Variants in NSF observed in about 807,000 individuals in gnomAD.
The protein encoded by NSF is vesicle-fusing ATPase.
A neutral mutation model predicts 50.3 loss-of-function variants in NSF; 14 were observed. That is an observed-to-expected ratio of 0.28 (90% CI 0.18 to 0.44). NSF has a LOEUF of 0.44. NSF is among the 20% of genes least tolerant of loss of function. NSF has a pLI of 1.00. For missense variants in NSF, 218 were observed against 504.3 expected, an observed-to-expected ratio of 0.43 and a Z score of 5.44; for synonymous variants, 109 against 175.7, an observed-to-expected ratio of 0.62 and a Z score of 3.00.
chr17:46,726,372 C>A (rs1323944114), intron 15 of NSF, among the ~76,000 whole-genome samples, 177 bp from the exon 16 acceptor site: 1 of 152,194 alleles, frequency 6.6e-6, no homozygotes, highest in African/African-American at 2.4e-5. Flanking sequence ...TGAAAACAGC[C>A]TTAGCCTGCT....
At chr17:46,723,767 A>C (rs1342493266) in intron 15 of NSF, among the ~76,000 whole-genome samples, 1 of 152,160 alleles carries the variant, frequency 6.6e-6, no homozygotes, top group Non-Finnish European at 1.5e-5. Flanking sequence ...ACTTACCAGC[A>C]CACCCACTCC....
At chr17:46,735,584 A>T (rs1041705687) in intron 17 of NSF, among the ~76,000 whole-genome samples, 2 of 152,122 alleles carry the variant, frequency 1.3e-5, no homozygotes, top group African/African-American at 4.8e-5. Context: ...ATAATTCCTC[A>T]TGTGTTACCT....
intron 17 of NSF, among the ~76,000 whole-genome samples, chr17:46,737,431 C>G (rs1373622187): frequency 6.6e-6 from 1 of 152,194 alleles, no homozygotes; most frequent in Non-Finnish European, 1.5e-5. Context: ...AGGTATTTCT[C>G]TAGCAACCCT....
intron 14 of NSF, chr17:46,713,144 T>C (rs1419710645): frequency 6.6e-6 from 1 of 152,248 alleles, no homozygotes; most frequent in Non-Finnish European, 1.5e-5. Context: ...AAAGAGTTTT[T>C]TGTTGTTATG....
chr17:46,739,912 C>T (rs1027271224), intron 17 of NSF, among the ~76,000 whole-genome samples: 2 of 152,098 alleles, frequency 1.3e-5, no homozygotes, highest in African/African-American at 4.8e-5. Context: ...ATTGGCCAGA[C>T]TGGTCTCAAA....
chr17:46,730,861 A>G (rs894403615), intron 17 of NSF, among the ~76,000 whole-genome samples: 2 of 152,184 alleles, frequency 1.3e-5, no homozygotes, highest in African/African-American at 4.8e-5. Flanking sequence ...ATAGTGAGAT[A>G]CCACTCATTG....
At chr17:46,625,993 AC>A (rs2058095114) in intron 2 of NSF, among the ~76,000 whole-genome samples, 1 of 148,128 alleles carries the variant, frequency 6.8e-6, no homozygotes, top group Admixed American at 6.7e-5. Context: ...TCATGAGAGG[AC>A]TGTTTTTTTT....
At chr17:46,727,515 A>C (rs1411217321) in intron 16 of NSF, among the ~76,000 whole-genome samples, 2 of 152,146 alleles carry the variant, frequency 1.3e-5, no homozygotes, top group Non-Finnish European at 2.9e-5. Context: ...AACTGTTCTT[A>C]CTGCATTTTT....
intron 15 of NSF, among the ~76,000 whole-genome samples, chr17:46,723,945 T>C (rs937774480): frequency 1.3e-5 from 2 of 152,224 alleles, no homozygotes; most frequent in Non-Finnish European, 2.9e-5. Flanking sequence ...CAGTAAAATT[T>C]TAACTCATGA....
At chr17:46,699,436 CACAT>C (rs2083442573) in intron 12 of NSF, among the ~76,000 whole-genome samples, 2 of 152,206 alleles carry the variant, frequency 1.3e-5, no homozygotes, top group Non-Finnish European at 1.5e-5. Flanking sequence ...CACTTTCTCT[CACAT>C]ACACTTTCCA....
chr17:46,722,952 A>T (rs935812613), intron 15 of NSF, among the ~76,000 whole-genome samples: 6 of 152,200 alleles, frequency 3.9e-5, no homozygotes, highest in Non-Finnish European at 8.8e-5. Context: ...CCGACTGCAA[A>T]AAACAAGAAC....
chr17:46,708,018 C>T (rs1488536482), intron 13 of NSF, among the ~76,000 whole-genome samples: 1 of 139,520 alleles, frequency 7.2e-6, no homozygotes, highest in Non-Finnish European at 1.5e-5. Context: ...GGTGACAGAG[C>T]AAGACCCTGT....
chr17:46,714,668 T>TC (rs1020968468), intron 15 of NSF, among the ~76,000 whole-genome samples: 17 of 152,234 alleles, frequency 1.1e-4, no homozygotes, highest in African/African-American at 3.4e-4. Flanking sequence ...TGATGAAGAC[T>TC]TTAAATGGCT....
rs1450621093 is a variant in NSF, at chr17:46,610,097, C to T, written c.13-14147C>T. ...CTTTCCTTCTTTCTTTCTTTTCTCTCTTTCTCTCTCTCTCTCTCTCTCTCT... is the reference window on the plus strand; with the variant it reads ...CTTTCCTTCTTTCTTTCTTTTCTCTTTTTCTCTCTCTCTCTCTCTCTCTCT... On this transcript the variant is annotated intron_variant, in intron 1 of 20. Transcript: ENST00000398238. 3.4e-4 allele frequency among the ~76,000 whole-genome samples: 14 copies of T among 41,086 alleles called. 2 individuals are homozygous for T. Among genetic ancestry groups the T allele is most frequent in the Admixed American group, 8.5e-4 (4 of 4,694 alleles). The allele number at this position is 41,086 out of a possible 152,430, so 27.0% of individuals were successfully genotyped here. A position where few individuals can be genotyped will look rare whatever the true frequency, so the allele number is the denominator to read the frequency against.
Position 46,704,842 on chromosome 17 carries a change from T to G in NSF, c.1458T>G (p.Asn486Lys). Residue 486 changes from asparagine (N) to lysine (K), a missense_variant, in exon 13 of 21, where the codon AAT becomes AAG. Asn to Lys is a moderately conservative substitution (Grantham distance 94, BLOSUM62 0). Transcript: ENST00000398238. ...GAGACTTCCTTGCTTCTTTGGAGAA[T>G]GATATCAAACCAGTGAGTATGCCCA... ...TRGDFLASLE[N>K]DIKPAFGTNQ... 1 of 1,600,620 alleles carries G rather than the reference T, an allele frequency of 6.2e-7. No individual in the cohort carries two copies. Among genetic ancestry groups the G allele is most frequent in the South Asian group, 1.1e-5 (1 of 87,728 alleles).
chr17:46,741,618 C>T (rs2059072597), intron 17 of NSF, among the ~76,000 whole-genome samples: 1 of 151,974 alleles, frequency 6.6e-6, no homozygotes, highest in African/African-American at 2.4e-5. Flanking sequence ...AAGTTACAGG[C>T]ATTTAAACAA....
At chr17:46,750,731 G>A (rs927333322) in intron 18 of NSF, among the ~76,000 whole-genome samples, 4 of 152,070 alleles carry the variant, frequency 2.6e-5, no homozygotes, top group African/African-American at 7.2e-5. Flanking sequence ...TGAATGGGTG[G>A]TGGTGTGGGG....
intron 15 of NSF, among the ~76,000 whole-genome samples, chr17:46,724,722 G>T (rs2058869058): frequency 6.6e-6 from 1 of 152,136 alleles, no homozygotes; most frequent in African/African-American, 2.4e-5. Context: ...ATTATCCTCT[G>T]CAGTGCCTTC....
intron 15 of NSF, among the ~76,000 whole-genome samples, chr17:46,723,199 G>T (rs1207612951): frequency 6.6e-6 from 1 of 152,176 alleles, no homozygotes; most frequent in Non-Finnish European, 1.5e-5. Flanking sequence ...GAAAAACATA[G>T]AACTACTGCA....
Sources: gnomAD v4.1 joint callset for allele counts (sites outside exome capture counted in the v4.1 genomes callset) on GRCh38, gnomAD v4.1.1 for gene constraint, MANE v1.5 for transcripts, NCBI Gene and HGNC (gene_info 2026-07-23, HGNC 2026-07-21) for gene names.